CCR5AS: variants seen among roughly 807,000 people sequenced by gnomAD.
The protein encoded by CCR5AS is CCR5 antisense RNA.
chr3:46,367,830 C>G (rs1279233774), intron 3 of CCR5AS, among the ~76,000 whole-genome samples: 8 of 152,224 alleles, frequency 5.3e-5, no homozygotes, highest in Non-Finnish European at 7.3e-5. Context: ...CCTTGGCTTC[C>G]CAAAGTGCTG....
At chr3:46,371,163 T>A (rs1701655521) in intron 3 of CCR5AS, 1 of 152,218 alleles carries the variant, frequency 6.6e-6, no homozygotes, top group Non-Finnish European at 1.5e-5. Flanking sequence ...CAGACGGTTA[T>A]AACATCAAAG....
intron 1 of CCR5AS, among the ~76,000 whole-genome samples, chr3:46,400,559 G>A (rs1701998057): frequency 6.6e-6 from 1 of 152,182 alleles, no homozygotes; most frequent in African/African-American, 2.4e-5. Context: ...AGAAAAGTGA[G>A]AAATTTTATT....
At chr3:46,388,368 G>A (rs1274239052) in intron 2 of CCR5AS, among the ~76,000 whole-genome samples, 1 of 152,170 alleles carries the variant, frequency 6.6e-6, no homozygotes, top group Non-Finnish European at 1.5e-5. Flanking sequence ...AGAATGATTG[G>A]TAATGGCCTG....
chr3:46,398,684 G>A (rs187213751), intron 1 of CCR5AS, among the ~76,000 whole-genome samples: 122 of 152,074 alleles, frequency 8.0e-4, no homozygotes, highest in Non-Finnish European at 1.4e-3. Flanking sequence ...ACTCAATAGG[G>A]TTTTTTAAAT....
At chr3:46,379,133 C>T (rs1575282291) in intron 2 of CCR5AS, among the ~76,000 whole-genome samples, 1 of 150,020 alleles carries the variant, frequency 6.7e-6, no homozygotes, top group East Asian at 2.0e-4. Flanking sequence ...AACTCGTCAT[C>T]TAGCATTAGG....
chr3:46,367,844 T>C (rs1006484752), intron 3 of CCR5AS, among the ~76,000 whole-genome samples: 1 of 152,228 alleles, frequency 6.6e-6, no homozygotes, highest in Non-Finnish European at 1.5e-5. Flanking sequence ...AGTGCTGGGA[T>C]TATAGGCATG....
chr3:46,377,347 C>A (rs1367055024), intron 2 of CCR5AS, among the ~76,000 whole-genome samples: 1 of 152,132 alleles, frequency 6.6e-6, no homozygotes, highest in Non-Finnish European at 1.5e-5. Context: ...GGTGAACGTA[C>A]CTTCTGTCTC....
intron 1 of CCR5AS, among the ~76,000 whole-genome samples, chr3:46,400,682 G>A (rs1016803346): frequency 6.6e-6 from 1 of 152,182 alleles, no homozygotes; most frequent in African/African-American, 2.4e-5. Context: ...CCAGATGGGG[G>A]TCCACATGGA....
At chr3:46,393,993 A>C (rs770586250) in intron 1 of CCR5AS, among the ~76,000 whole-genome samples, 5 of 152,194 alleles carry the variant, frequency 3.3e-5, no homozygotes, top group African/African-American at 1.2e-4. Context: ...CAAATGCAAG[A>C]TGCGTAGGAT....
At chr3:46,368,732 G>A (rs1020416375) in intron 3 of CCR5AS, among the ~76,000 whole-genome samples, 3 of 152,174 alleles carry the variant, frequency 2.0e-5, no homozygotes, top group Admixed American at 1.3e-4. Context: ...GTATCTTGCC[G>A]AGGTCACACA....
chr3:46,398,287 G>T (rs2063249780), intron 1 of CCR5AS, among the ~76,000 whole-genome samples: 1 of 152,038 alleles, frequency 6.6e-6, no homozygotes, highest in South Asian at 2.1e-4. Context: ...CTCTGGAAAG[G>T]AGTGCTCCCA....
intron 2 of CCR5AS, among the ~76,000 whole-genome samples, chr3:46,383,558 T>G (rs1046724649): frequency 2.0e-5 from 3 of 152,154 alleles, no homozygotes; most frequent in Non-Finnish European, 4.4e-5. Flanking sequence ...GCCCTCATCC[T>G]CAGCTGTGCC....
intron 3 of CCR5AS, among the ~76,000 whole-genome samples, chr3:46,367,483 T>TA (rs774451106): frequency 4.6e-5 from 7 of 152,230 alleles, no homozygotes; most frequent in Non-Finnish European, 5.9e-5. Context: ...ATTGTTTTGA[T>TA]ACTGTGAGAA....
intron 1 of CCR5AS, among the ~76,000 whole-genome samples, chr3:46,405,846 C>G (rs934338716): frequency 6.6e-6 from 1 of 151,894 alleles, no homozygotes; most frequent in Admixed American, 6.6e-5. Context: ...CTCTCTCCTC[C>G]CTTCCTCTCC....
At chr3:46,379,355 CAA>C (rs1253252779) in intron 2 of CCR5AS, among the ~76,000 whole-genome samples, 1 of 152,032 alleles carries the variant, frequency 6.6e-6, no homozygotes, top group Non-Finnish European at 1.5e-5. Context: ...ATGAACATAG[CAA>C]AGACTTGGAA....
chr3:46,376,585 A>G (rs1342955477), intron 2 of CCR5AS, among the ~76,000 whole-genome samples: 1 of 152,190 alleles, frequency 6.6e-6, no homozygotes, highest in African/African-American at 2.4e-5. Context: ...TGAAGAAGAT[A>G]TGCAACGTCA....
chr3:46,389,709 T>C (rs922820106), intron 2 of CCR5AS, among the ~76,000 whole-genome samples: 1 of 152,174 alleles, frequency 6.6e-6, no homozygotes, highest in African/African-American at 2.4e-5. Context: ...TTATGGTCTA[T>C]GGGATTAGTT....
chr3:46,367,576 TGTTTG>T (rs1701611985), intron 3 of CCR5AS, among the ~76,000 whole-genome samples: 1 of 152,200 alleles, frequency 6.6e-6, no homozygotes, highest in Admixed American at 6.5e-5. Context: ...ACATTTTGTT[TGTTTG>T]GTTTGGTTTT....
intron 3 of CCR5AS, among the ~76,000 whole-genome samples, chr3:46,369,932 C>CT (rs1307855150): frequency 1.3e-5 from 2 of 152,086 alleles, no homozygotes; most frequent in Non-Finnish European, 2.9e-5. Context: ...CAAGCCAAAG[C>CT]TTTTTATTCT....
Sources: gnomAD v4.1 joint callset for allele counts (sites outside exome capture counted in the v4.1 genomes callset) on GRCh38, gnomAD v4.1.1 for gene constraint, MANE v1.5 for transcripts, NCBI Gene and HGNC (gene_info 2026-07-23, HGNC 2026-07-21) for gene names.